The following TMEM117 variants were observed in gnomAD, a reference collection of about 807,000 sequenced individuals.
The protein encoded by TMEM117 is transmembrane protein 117.
TMEM117 carries 27 observed loss-of-function variants against 52.4 expected under a neutral mutation model. That is an observed-to-expected ratio of 0.51 (90% CI 0.38 to 0.71). The LOEUF is 0.71. Among genes scored for constraint, TMEM117 ranks in the 30% least tolerant of loss-of-function variants. The pLI is 0.00. For missense variants in TMEM117, 556 were observed against 630.5 expected, an observed-to-expected ratio of 0.88 and a Z score of 1.26; for synonymous variants, 215 against 206.3, an observed-to-expected ratio of 1.04 and a Z score of -0.36.
intron 6 of TMEM117, among the ~76,000 whole-genome samples, chr12:44,369,152 A>G (rs958176643): frequency 6.6e-6 from 1 of 152,172 alleles, no homozygotes; most frequent in Non-Finnish European, 1.5e-5. Flanking sequence ...TAGATGCCAC[A>G]TGATGCATTT....
chr12:44,146,388 C>A (rs1013648247), intron 4 of TMEM117, among the ~76,000 whole-genome samples: 3 of 152,190 alleles, frequency 2.0e-5, no homozygotes, highest in African/African-American at 7.2e-5. Flanking sequence ...TCAAGAAAAC[C>A]GTGTTCTAGG....
chr12:44,230,678 AT>A (rs1949921024), intron 5 of TMEM117, among the ~76,000 whole-genome samples: 1 of 151,994 alleles, frequency 6.6e-6, no homozygotes, highest in Non-Finnish European at 1.5e-5. Context: ...ACAATCATCA[AT>A]TGGCTCCCCT....
At chr12:43,845,420 C>T (rs146784200) in intron 2 of TMEM117, among the ~76,000 whole-genome samples, 5,185 of 137,420 alleles carry the variant, frequency 0.038, 242 homozygotes, top group African/African-American at 0.11. Flanking sequence ...AAGATTGCAC[C>T]GCTGCACTAC....
At chr12:43,891,956 A>G (rs904471861) in intron 2 of TMEM117, among the ~76,000 whole-genome samples, 1 of 152,136 alleles carries the variant, frequency 6.6e-6, no homozygotes, top group Admixed American at 6.6e-5. Context: ...CACTGTCAAT[A>G]TCTCTCTCTT....
chr12:44,092,503 A>C (rs1231516459), intron 3 of TMEM117, among the ~76,000 whole-genome samples: 1 of 151,646 alleles, frequency 6.6e-6, no homozygotes, highest in Non-Finnish European at 1.5e-5. Context: ...TAGCTTGTGT[A>C]GAAGACATTA....
At chr12:43,824,358 G>A in the TMEM117 span, among the ~76,000 whole-genome samples, 1 of 152,176 alleles carries the variant, frequency 6.6e-6, no homozygotes, top group Non-Finnish European at 1.5e-5. Flanking sequence ...TATCCCTATT[G>A]GTAGAATGCA....
the TMEM117 span, chr12:43,799,529 A>C: frequency 7.6e-7 from 1 of 1,322,628 alleles, no homozygotes; most frequent in Non-Finnish European, 1.1e-6. Context: ...GACTATAATC[A>C]GTAATTCTCT....
At chr12:44,155,104 A>G (rs1383560300) in intron 4 of TMEM117, among the ~76,000 whole-genome samples, 1 of 152,084 alleles carries the variant, frequency 6.6e-6, no homozygotes, top group East Asian at 1.9e-4. Context: ...TGCAACAAAC[A>G]TTTTGAGATA....
chr12:44,121,204 G>A (rs1948228574), intron 3 of TMEM117, among the ~76,000 whole-genome samples: 1 of 152,156 alleles, frequency 6.6e-6, no homozygotes, highest in East Asian at 1.9e-4. Flanking sequence ...CACAACACAT[G>A]GGAATTATGG....
At chr12:43,797,140 C>CATAAACTTCATAAAACTACATAT in the TMEM117 span, 2 of 1,526,862 alleles carry the variant, frequency 1.3e-6, no homozygotes, top group African/African-American at 1.4e-5. Context: ...CATATCAATA[C>CATAAACTTCATAAAACTACATAT]ATAAACTTCA....
At chr12:43,803,406 C>T in the TMEM117 span, among the ~76,000 whole-genome samples, 1 of 151,950 alleles carries the variant, frequency 6.6e-6, no homozygotes, top group Non-Finnish European at 1.5e-5. Context: ...ACTGAATTTT[C>T]TAAAATGCTT....
At chr12:43,901,584 T>C (rs1022352965) in intron 2 of TMEM117, among the ~76,000 whole-genome samples, 1 of 152,222 alleles carries the variant, frequency 6.6e-6, no homozygotes, top group African/African-American at 2.4e-5. Flanking sequence ...TTGCTGGGAT[T>C]ACAGGCGTGA....
intron 3 of TMEM117, among the ~76,000 whole-genome samples, chr12:44,072,932 A>G (rs1433388249): frequency 6.6e-6 from 1 of 152,160 alleles, no homozygotes; most frequent in Non-Finnish European, 1.5e-5. Context: ...TCTACTTAAA[A>G]TACAAAAATT....
At chr12:44,097,556 T>G (rs568898341) in intron 3 of TMEM117, among the ~76,000 whole-genome samples, 34 of 152,002 alleles carry the variant, frequency 2.2e-4, no homozygotes, top group Non-Finnish European at 4.6e-4. Flanking sequence ...TGAGTTCATG[T>G]TCTTTGTAGG....
intron 3 of TMEM117, among the ~76,000 whole-genome samples, chr12:43,980,430 A>G (rs760128266): frequency 9.9e-5 from 15 of 152,168 alleles, no homozygotes; most frequent in Non-Finnish European, 2.2e-4. Flanking sequence ...ATGGGATACA[A>G]CAGTTTGCAT....
At chr12:44,075,443 A>G (rs1333890382) in intron 3 of TMEM117, among the ~76,000 whole-genome samples, 1 of 152,230 alleles carries the variant, frequency 6.6e-6, no homozygotes, top group East Asian at 1.9e-4. Flanking sequence ...TGTAGTTGCT[A>G]TCTTGAAATG....
intron 2 of TMEM117, among the ~76,000 whole-genome samples, chr12:43,942,974 C>A (rs1055329581): frequency 2.6e-5 from 4 of 151,616 alleles, no homozygotes; most frequent in African/African-American, 9.7e-5. Flanking sequence ...GTCAGGAGAT[C>A]GAGACCATCT....
chr12:44,317,277 T>C (rs1951067815), intron 6 of TMEM117, among the ~76,000 whole-genome samples: 1 of 148,440 alleles, frequency 6.7e-6, no homozygotes, highest in African/African-American at 2.5e-5. Context: ...TCCCCTTTCT[T>C]TCCCTATTAT....
intron 2 of TMEM117, among the ~76,000 whole-genome samples, chr12:43,886,733 G>T (rs1248831543): frequency 1.1e-4 from 16 of 152,076 alleles, no homozygotes; most frequent in Admixed American, 1.0e-3. Flanking sequence ...CATTAGTCAG[G>T]TATTAAGCCT....
Sources: allele counts gnomAD v4.1 joint callset (sites outside exome capture counted in the v4.1 genomes callset), GRCh38; gene constraint gnomAD v4.1.1; transcripts MANE v1.5; gene names NCBI Gene and HGNC (gene_info 2026-07-23, HGNC 2026-07-21).